Variants in HTR1F observed in about 807,000 individuals in gnomAD.
HTR1F encodes the protein 5-hydroxytryptamine (serotonin) receptor 1F, G protein-coupled.
A neutral mutation model predicts 24.0 loss-of-function variants in HTR1F; 17 were observed. That is an observed-to-expected ratio of 0.71 (90% confidence interval 0.48 to 1.06). HTR1F has a LOEUF of 1.06. HTR1F is among the 50% of genes least tolerant of loss of function. HTR1F has a pLI of 0.00. For missense variants in HTR1F, 391 were observed against 427.8 expected (o/e 0.91, Z 0.76); for synonymous variants, 186 against 156.8 (o/e 1.19, Z -1.39).
At chr3:87,820,035 T>C (rs1704325035) in intron 1 of HTR1F, among the ~76,000 whole-genome samples, 1 of 151,962 alleles carries the variant, frequency 6.6e-6, no homozygotes, top group Non-Finnish European at 1.5e-5. Context: ...GAATTTCTTT[T>C]GGAGAAATAG....
chr3:87,914,381 G>A (rs1223989308), intron 2 of HTR1F, among the ~76,000 whole-genome samples: 1 of 152,164 alleles, frequency 6.6e-6, no homozygotes, highest in Non-Finnish European at 1.5e-5. Context: ...ATCCGATATT[G>A]CAGATTCCAT....
At chr3:87,894,335 C>A (rs1706152210) in intron 2 of HTR1F, among the ~76,000 whole-genome samples, 1 of 151,498 alleles carries the variant, frequency 6.6e-6, no homozygotes, top group South Asian at 2.1e-4. Context: ...CTGCTCACTG[C>A]AACCTCTGCC....
chr3:87,973,199 T>C (rs1234805653), intron 2 of HTR1F, among the ~76,000 whole-genome samples: 5 of 151,908 alleles, frequency 3.3e-5, no homozygotes, highest in Admixed American at 3.3e-4. Context: ...ATAATCCCTA[T>C]CATGGACTCT....
chr3:87,973,608 C>T (rs1287252050), intron 2 of HTR1F, among the ~76,000 whole-genome samples: 1 of 152,070 alleles, frequency 6.6e-6, no homozygotes, highest in East Asian at 1.9e-4. Context: ...TGCTTTGTAT[C>T]TCATGTGGAT....
rs183739638 is a variant in HTR1F at position 87,989,277 on chromosome 3, C to T, written c.-42-1431C>T. On this transcript the variant is annotated intron_variant, in intron 2 of 2. Coordinates refer to ENST00000319595, the MANE Select transcript of HTR1F (RefSeq NM_001322209.2). ...GTCCTTTTTCAGAAGCAAGGTAACCCGGTCATTACAATGGTGACTTATACA... is the reference window on the plus strand; with the variant it reads ...GTCCTTTTTCAGAAGCAAGGTAACCTGGTCATTACAATGGTGACTTATACA... 1.1e-3 allele frequency among the ~76,000 whole-genome samples: 175 copies of T among 152,260 alleles called. 2 individuals carry two copies. The highest frequency in any genetic ancestry group is 3.3e-3 in the African/African-American group (137 of 41,544).
At chr3:87,812,849 G>A (rs541669688) in intron 1 of HTR1F, among the ~76,000 whole-genome samples, 179 of 152,374 alleles carry the variant, frequency 1.2e-3, no homozygotes, top group African/African-American at 4.1e-3. Flanking sequence ...TTGCTTCAGA[G>A]GGTGCAAGCC....
chr3:87,847,379 T>G (rs1704968585), intron 2 of HTR1F, among the ~76,000 whole-genome samples: 1 of 151,848 alleles, frequency 6.6e-6, no homozygotes, highest in Non-Finnish European at 1.5e-5. Flanking sequence ...TTTTTGAAAA[T>G]TTTATATATC....
chr3:87,933,833 G>T (rs1216180226), intron 2 of HTR1F, among the ~76,000 whole-genome samples: 1 of 152,102 alleles, frequency 6.6e-6, no homozygotes, highest in Admixed American at 6.6e-5. Flanking sequence ...AACACATAAA[G>T]AGATTAATTC....
intron 2 of HTR1F, among the ~76,000 whole-genome samples, chr3:87,905,266 C>T (rs1171018526): frequency 2.0e-5 from 3 of 151,794 alleles, no homozygotes; most frequent in Non-Finnish European, 2.9e-5. Context: ...GCTATGATCA[C>T]GCCAGTGCCA....
chr3:87,842,419 C>A (rs1213584768), intron 2 of HTR1F, among the ~76,000 whole-genome samples: 3 of 151,812 alleles, frequency 2.0e-5, no homozygotes, highest in Non-Finnish European at 4.4e-5. Flanking sequence ...ACCTTGGCCT[C>A]CCAAAGTGCT....
At chr3:87,922,044 G>GT (rs1704022601) in intron 2 of HTR1F, among the ~76,000 whole-genome samples, 1 of 152,002 alleles carries the variant, frequency 6.6e-6, no homozygotes, top group Non-Finnish European at 1.5e-5. Context: ...TGCATACCCA[G>GT]TAGTGGGATT....
At chr3:87,796,385 A>C (rs1703906363) in intron 1 of HTR1F, among the ~76,000 whole-genome samples, 1 of 152,146 alleles carries the variant, frequency 6.6e-6, no homozygotes, top group South Asian at 2.1e-4. Flanking sequence ...GTGCAGGCAT[A>C]ACGGGTAGAT....
chr3:87,844,905 A>G lies in HTR1F; in HGVS notation c.-43+22781A>G, dbSNP rs189286696. On this transcript the variant is annotated intron_variant, in intron 2 of 2. Coordinates refer to ENST00000319595, the MANE Select transcript of HTR1F (RefSeq NM_001322209.2). ...TGATCTATATCTCTGTTTTGGTACC[A>G]GTACCTACCATGCTGTTTTGGTTAC... is the stretch of plus-strand genomic sequence containing the variant. 2.5e-3 allele frequency among the ~76,000 whole-genome samples: 386 copies of G among 151,984 alleles called. 1 individual carries two copies. The highest frequency in any genetic ancestry group is 3.6e-3 in the Non-Finnish European group (243 of 68,040).
rs542787806 is a variant in HTR1F, at chr3:87,874,523, C to A, written c.-43+52399C>A. Among the ~76,000 whole-genome samples the A allele has an allele frequency of 1.4e-3, 214 of 151,916 alleles. 3 individuals are homozygous for A. The highest frequency in any genetic ancestry group is 1.7e-3 in the Non-Finnish European group (116 of 67,950). On this transcript the variant is annotated intron_variant, in intron 2 of 2. Coordinates refer to ENST00000319595, the MANE Select transcript of HTR1F (RefSeq NM_001322209.2). ...AACAAATGCAAAGATATCTCACACT[C>A]ATGAATTAAAAGATTTATTAATATT...
intron 2 of HTR1F, among the ~76,000 whole-genome samples, chr3:87,972,528 G>T (rs1053456179): frequency 9.2e-5 from 14 of 152,044 alleles, no homozygotes; most frequent in African/African-American, 3.4e-4. Context: ...ATCCAGATCT[G>T]CCTTCTAGAC....
intron 2 of HTR1F, among the ~76,000 whole-genome samples, chr3:87,903,834 A>G (rs1703589363): frequency 2.0e-5 from 3 of 152,204 alleles, no homozygotes; most frequent in Admixed American, 2.0e-4. Context: ...ACATATGTTT[A>G]TTGCGGCACT....
intron 2 of HTR1F, among the ~76,000 whole-genome samples, chr3:87,967,593 G>A (rs912178166): frequency 6.6e-6 from 1 of 151,866 alleles, no homozygotes; most frequent in East Asian, 1.9e-4. Flanking sequence ...TCATGGGGGG[G>A]GGTGGGTAGG....
chr3:87,904,062 G>C (rs1703597671), intron 2 of HTR1F, among the ~76,000 whole-genome samples: 1 of 151,954 alleles, frequency 6.6e-6, no homozygotes, highest in Admixed American at 6.6e-5. Flanking sequence ...ATGAAGAAAA[G>C]ACTTGAACCA....
intron 2 of HTR1F, among the ~76,000 whole-genome samples, chr3:87,939,826 T>C (rs72891848): frequency 3.9e-5 from 6 of 152,210 alleles, no homozygotes; most frequent in South Asian, 2.1e-4. Flanking sequence ...CCTGGATTCA[T>C]TGACTTTTTT....
Sources: gnomAD v4.1 joint callset for allele counts (sites outside exome capture counted in the v4.1 genomes callset) on GRCh38, gnomAD v4.1.1 for gene constraint, MANE v1.5 for transcripts, NCBI Gene and HGNC (gene_info 2026-07-23, HGNC 2026-07-21) for gene names.